The following XKR6 variants were observed in gnomAD, a reference collection of about 807,000 sequenced individuals.
XKR6 encodes XK related 6.
In XKR6, 22 loss-of-function variants were observed where a neutral mutation model predicts 56.7. The ratio of observed to expected loss-of-function variants is 0.39; its 90% CI spans 0.28 to 0.55. The LOEUF is 0.55. XKR6 is among the 20% of genes least tolerant of loss of function. The pLI, the probability that XKR6 is intolerant of heterozygous loss-of-function variation, is 0.66. For missense variants in XKR6, 852 were observed against 889.0 expected, an observed-to-expected ratio of 0.96 and a Z score of 0.53; for synonymous variants, 524 against 387.8, an observed-to-expected ratio of 1.35 and a Z score of -4.13.
chr8:10,912,211 G>GTA (rs1800402094), intron 2 of XKR6, among the ~76,000 whole-genome samples: 3 of 144,922 alleles, frequency 2.1e-5, no homozygotes, highest in Non-Finnish European at 3.0e-5. Flanking sequence ...GTGTGTGTGT[G>GTA]TATATATACA....
intron 1 of XKR6, among the ~76,000 whole-genome samples, chr8:11,028,461 C>T (rs185018804): frequency 5.3e-5 from 8 of 152,276 alleles, no homozygotes; most frequent in South Asian, 4.2e-4. Flanking sequence ...TTTGGGTAAA[C>T]GCCAAGGAAC....
At chr8:10,904,112 G>T (rs971659651) in intron 2 of XKR6, among the ~76,000 whole-genome samples, 2 of 152,166 alleles carry the variant, frequency 1.3e-5, no homozygotes, top group African/African-American at 4.8e-5. Context: ...CCGAAGATCA[G>T]ACTAGAAATT....
intron 1 of XKR6, chr8:11,107,964 A>G: frequency 3.3e-6 from 1 of 302,204 alleles, no homozygotes; most frequent in South Asian, 2.9e-5. Flanking sequence ...ATGCTCTTCC[A>G]TCTCTCCACT....
rs185173100 is a variant in XKR6, at chr8:10,940,596, G to C, written c.765-15766C>G. Among the ~76,000 whole-genome samples, 109 of 152,262 alleles carry C rather than the reference G, an allele frequency of 7.2e-4. 1 individual carries two copies. Among genetic ancestry groups the C allele is most frequent in the African/African-American group, 2.6e-3 (106 of 41,554 alleles). ...GTCGGCACCTGCAGACGGCTGGTCC[G>C]GGAGCAGAGCTGGTTCAAAGCCACG... On this transcript the variant is annotated intron_variant, in intron 1 of 2. Transcript: ENST00000416569.
chr8:11,112,300 C>T (rs1205553700), intron 1 of XKR6, among the ~76,000 whole-genome samples: 2 of 151,956 alleles, frequency 1.3e-5, no homozygotes, highest in Admixed American at 6.5e-5. Context: ...TTTTTTTAGT[C>T]GAGTAATAGC....
At chr8:11,005,906 C>T (rs983042384) in intron 1 of XKR6, among the ~76,000 whole-genome samples, 17 of 143,074 alleles carry the variant, frequency 1.2e-4, no homozygotes, top group African/African-American at 4.5e-4. Context: ...CATAGTGGCA[C>T]ATTCTCAGCT....
At chr8:11,168,588 A>T (rs1438311281) in intron 1 of XKR6, among the ~76,000 whole-genome samples, 1 of 152,220 alleles carries the variant, frequency 6.6e-6, no homozygotes, top group African/African-American at 2.4e-5. Flanking sequence ...AAAGCAGAAC[A>T]CACATTCTTC....
chr8:11,119,529 C>A (rs1480885777), intron 1 of XKR6, among the ~76,000 whole-genome samples: 3 of 152,154 alleles, frequency 2.0e-5, no homozygotes, highest in African/African-American at 7.2e-5. Context: ...ACAGTTAGCT[C>A]TTCTTGTTGA....
rs1329282168 is a variant in XKR6, at chr8:11,084,821, G to C, written c.764+115755C>G. 2.0e-5 allele frequency among the ~76,000 whole-genome samples: 3 copies of C among 152,318 alleles called. No individual in the cohort carries two copies. In the East Asian group the frequency reaches 5.8e-4, roughly 29 times the overall value. ...GGACTGCTGCCAGCTTGGAGGGAAG[G>C]GAAAGGTTACTCACACTCGATGGGA... On this transcript the variant is annotated intron_variant, in intron 1 of 2. Transcript: ENST00000416569.
intron 1 of XKR6, among the ~76,000 whole-genome samples, chr8:11,086,062 G>T (rs1472375326): frequency 6.6e-6 from 1 of 151,322 alleles, no homozygotes; most frequent in Non-Finnish European, 1.5e-5. Context: ...CACTCTCACG[G>T]TCCCGCCAGC....
chr8:11,198,462 CT>C (rs1191987909), intron 1 of XKR6, among the ~76,000 whole-genome samples: 1 of 149,878 alleles, frequency 6.7e-6, no homozygotes, highest in East Asian at 2.0e-4. Flanking sequence ...AAAAAAAAAA[CT>C]AGACAGTAAA....
intron 1 of XKR6, among the ~76,000 whole-genome samples, chr8:11,059,675 TGCGGCGGGCGCGGGGCGGGACAGGC>T (rs1799781605): frequency 8.0e-6 from 1 of 125,364 alleles, no homozygotes; most frequent in Non-Finnish European, 1.5e-5. Context: ...GCGGGACAGG[TGCGGCGGGCGCGGGGCGGGACAGGC>T]GCGTCTCTGT....
chr8:11,159,653 T>C (rs1467280740), intron 1 of XKR6, among the ~76,000 whole-genome samples: 1 of 152,244 alleles, frequency 6.6e-6, no homozygotes, highest in Non-Finnish European at 1.5e-5. Context: ...TGGCAATCTG[T>C]GTTTTGATAA....
intron 1 of XKR6, among the ~76,000 whole-genome samples, chr8:11,047,290 C>G (rs1799434213): frequency 6.6e-6 from 1 of 152,174 alleles, no homozygotes; most frequent in African/African-American, 2.4e-5. Context: ...GTCAACTACA[C>G]CTCAATAAAG....
chr8:11,096,667 C>T (rs1168089048), intron 1 of XKR6, among the ~76,000 whole-genome samples: 2 of 152,208 alleles, frequency 1.3e-5, no homozygotes, highest in African/African-American at 4.8e-5. Flanking sequence ...GTCAAAGGCC[C>T]CCATGAGGTC....
At chr8:11,140,138 AAAG>A (rs1281495577) in intron 1 of XKR6, among the ~76,000 whole-genome samples, 3 of 152,088 alleles carry the variant, frequency 2.0e-5, no homozygotes, top group Non-Finnish European at 4.4e-5. Flanking sequence ...TTAAAAAAAA[AAAG>A]AAGAGATAAA....
chr8:10,974,799 G>A (rs901083530), intron 1 of XKR6, among the ~76,000 whole-genome samples: 25 of 152,188 alleles, frequency 1.6e-4, no homozygotes, highest in African/African-American at 5.8e-4. Context: ...GCTCGAGGTG[G>A]GAACTCCTGG....
At chr8:11,144,569 G>C (rs1410693694) in intron 1 of XKR6, among the ~76,000 whole-genome samples, 2 of 152,110 alleles carry the variant, frequency 1.3e-5, no homozygotes, top group South Asian at 2.1e-4. Flanking sequence ...CTAACGAGCA[G>C]TTTGAGTCCC....
intron 1 of XKR6, among the ~76,000 whole-genome samples, chr8:11,083,007 C>A (rs1025684408): frequency 3.3e-5 from 5 of 152,234 alleles, no homozygotes; most frequent in African/African-American, 1.2e-4. Flanking sequence ...CCTTTCTGCA[C>A]AGGCAGCGCA....
Sources: allele counts gnomAD v4.1 joint callset (sites outside exome capture counted in the v4.1 genomes callset), GRCh38; gene constraint gnomAD v4.1.1; transcripts MANE v1.5; gene names NCBI Gene and HGNC (gene_info 2026-07-23, HGNC 2026-07-21).